Variants in IGSF23 observed in about 807,000 individuals in gnomAD.
The protein encoded by IGSF23 is immunoglobulin superfamily member 23, also known as immunoglobulin superfamily, member 23.
A neutral mutation model predicts 17.8 loss-of-function variants in IGSF23; 14 were observed. That is an observed-to-expected ratio of 0.79 (90% CI 0.52 to 1.23). The LOEUF is 1.23. Ranked by LOEUF, IGSF23 falls within the 50% of genes most tolerant of loss-of-function variation. The probability of loss-of-function intolerance (pLI) is 0.00; values close to 1 mark genes in which losing one functional copy is unlikely to be tolerated. For synonymous variants in IGSF23, 85 were observed against 92.5 expected (o/e 0.92, Z 0.46); for missense variants, 214 against 241.7 (o/e 0.89, Z 0.76).
intron 1 of IGSF23, among the ~76,000 whole-genome samples, chr19:44,623,047 CCTCA>C (rs1972555481): frequency 6.6e-6 from 1 of 152,162 alleles, no homozygotes; most frequent in East Asian, 1.9e-4. Context: ...TTGACCCTCT[CCTCA>C]CTCAATCGTA....
intron 3 of IGSF23, among the ~76,000 whole-genome samples, chr19:44,633,517 T>C (rs550115967): frequency 4.1e-4 from 63 of 152,338 alleles, no homozygotes; most frequent in Non-Finnish European, 5.3e-4. Context: ...CACAAAGTTA[T>C]AGATACAGAA....
intron 3 of IGSF23, among the ~76,000 whole-genome samples, chr19:44,631,981 C>T (rs980447812): frequency 3.3e-5 from 5 of 152,030 alleles, no homozygotes; most frequent in Admixed American, 2.0e-4. Flanking sequence ...CCAGGTTTTG[C>T]GGGGGGGCCT....
At chr19:44,632,896 C>T (rs993385649) in intron 3 of IGSF23, among the ~76,000 whole-genome samples, 3 of 152,312 alleles carry the variant, frequency 2.0e-5, no homozygotes, top group Admixed American at 1.3e-4. Context: ...TGTATGAAAT[C>T]ATAACTGAGC....
chr19:44,633,187 T>C (rs536427618), intron 3 of IGSF23, among the ~76,000 whole-genome samples: 1 of 152,358 alleles, frequency 6.6e-6, no homozygotes, highest in East Asian at 1.9e-4. Context: ...AAACAGTCTT[T>C]TAAATCTATG....
At chr19:44,627,289 G>C (rs1972672041) in intron 2 of IGSF23, 131 bp from the exon 3 acceptor site, 2 of 913,572 alleles carry the variant, frequency 2.2e-6, no homozygotes, top group Non-Finnish European at 3.2e-6. Flanking sequence ...AGGAGAGGGG[G>C]CCAGAGACCT....
Position 44,623,805 on chromosome 19 carries a change from T to G in IGSF23, c.224T>G (p.Met75Arg). ...YSVILQWVVT[M>R]DPEPVLSWTF... ...GTGATCCTGCAGTGGGTGGTGACAA[T>G]GGACCCTGAGCCTGTGCTGAGCTGG... The change falls in exon 2 of 5, where the codon ATG becomes AGG. Residue 75 changes from methionine to arginine, a missense_variant. Met to Arg is a moderately conservative substitution (Grantham distance 91, BLOSUM62 -1). Transcript: ENST00000402988. 6.4e-7 allele frequency: 1 copy of G among 1,550,956 alleles called. No individual in the cohort carries two copies. The highest frequency in any genetic ancestry group is 8.7e-7 in the Non-Finnish European group (1 of 1,147,072).
At chr19:44,621,970 C>T (rs565202055) in intron 1 of IGSF23, among the ~76,000 whole-genome samples, 61 of 152,132 alleles carry the variant, frequency 4.0e-4, no homozygotes, top group African/African-American at 1.3e-3. Context: ...GCTTGTAATC[C>T]CAGCACTTTG....
chr19:44,623,719 G>A lies in IGSF23; in HGVS notation c.138G>A (p.Met46Ile), dbSNP rs1411395159. 2 of 1,551,134 alleles carry A rather than the reference G, an allele frequency of 1.3e-6. No individual in the cohort carries two copies. The highest frequency in any genetic ancestry group is 1.7e-6 in the Non-Finnish European group (2 of 1,147,122). Reference protein sequence around the residue: ...DFPANLVLQLMPLKTFPAAIR... With the variant: ...DFPANLVLQLIPLKTFPAAIR... ...TTTGCACAGACAGCCTCCAACTAATGCCACTGAAGACATTCCCAGCTGCTA... is the reference window on the plus strand; with the variant it reads ...TTTGCACAGACAGCCTCCAACTAATACCACTGAAGACATTCCCAGCTGCTA... Residue 46 changes from methionine to isoleucine, a missense_variant, in exon 2 of 5, where the codon ATG becomes ATA. Coordinates refer to ENST00000402988, the MANE Select transcript of IGSF23 (RefSeq NM_001205280.2).
At chr19:44,616,045 C>A (rs1972367447) in intron 1 of IGSF23, among the ~76,000 whole-genome samples, 2 of 152,206 alleles carry the variant, frequency 1.3e-5, no homozygotes, top group South Asian at 4.1e-4. Flanking sequence ...GAAAACAAAG[C>A]CACAGTGCAA....
intron 2 of IGSF23, 137 bp from the exon 3 acceptor site, chr19:44,627,283 G>A (rs1204596306): frequency 2.4e-6 from 2 of 833,254 alleles, no homozygotes; most frequent in East Asian, 5.5e-5. Flanking sequence ...GCAGGGAGGA[G>A]AGGGGGCCAG....
chr19:44,633,184 CTTTTAAATCTATGACTATTAAAGGCCAGT>C (rs1456995107), intron 3 of IGSF23, among the ~76,000 whole-genome samples: 1 of 152,242 alleles, frequency 6.6e-6, no homozygotes. Context: ...AAGAAACAGT[CTTTTAAATCTATGACTATTAAAGGCCAGT>C]TTTAAGTCCT....
At chr19:44,629,699 T>TCTCGGCTCACTGCAAC (rs1450573991) in intron 3 of IGSF23, among the ~76,000 whole-genome samples, 120 of 138,736 alleles carry the variant, frequency 8.6e-4, no homozygotes, top group Middle Eastern at 3.9e-3. Flanking sequence ...AGTGGTGCAA[T>TCTCGGCTCACTGCAAC]CTCGGCTCAC....
intron 1 of IGSF23, 117 bp downstream of exon 1, chr19:44,613,887 T>A (rs763796208): frequency 6.5e-7 from 1 of 1,548,900 alleles, no homozygotes; most frequent in Non-Finnish European, 8.7e-7. Context: ...CCATGTGTGA[T>A]GAGGAGACCT....
rs1475645694 is a variant in IGSF23 at position 44,627,490 on chromosome 19, T to TGCCATCGGGCTCC, written c.463_475dup (p.Leu159ArgfsTer30). Reference sequence around the variant, plus strand: ...CCACTCTGTCCCTGTCAGGAGGCTCTGCCATCGGGCTCCTTGCGGCTGGGA... The same window carrying TGCCATCGGGCTCC: ...CCACTCTGTCCCTGTCAGGAGGCTCTGCCATCGGGCTCCGCCATCGGGCTCCTTGCGGCTGGGA... On this transcript the variant is annotated frameshift_variant, in exon 3 of 5. Transcript: ENST00000402988. LOFTEE classifies it high-confidence loss of function. The TGCCATCGGGCTCC allele has an allele frequency of 2.6e-6, 4 of 1,550,522 alleles. No homozygotes were observed. In the South Asian group the frequency reaches 4.8e-5, roughly 18 times the overall value.
At chr19:44,615,336 C>T (rs139105933) in intron 1 of IGSF23, among the ~76,000 whole-genome samples, 3 of 151,124 alleles carry the variant, frequency 2.0e-5, no homozygotes, top group Non-Finnish European at 4.4e-5. Context: ...CAGTGGCTCA[C>T]GGGTGCAGTG....
At chr19:44,632,252 T>C in intron 3 of IGSF23, 1 of 205,072 alleles carries the variant, frequency 4.9e-6, no homozygotes, top group Non-Finnish European at 9.9e-6. Flanking sequence ...ATCCAGGCAT[T>C]ATTGCCAGCC....
intron 2 of IGSF23, among the ~76,000 whole-genome samples, chr19:44,625,277 T>C (rs924804924): frequency 3.9e-5 from 6 of 152,188 alleles, no homozygotes; most frequent in Admixed American, 3.3e-4. Context: ...AAAACAATAA[T>C]GTCTAGCACT....
intron 1 of IGSF23, among the ~76,000 whole-genome samples, chr19:44,615,203 G>A (rs1035485968): frequency 2.0e-5 from 3 of 151,834 alleles, no homozygotes; most frequent in Non-Finnish European, 2.9e-5. Flanking sequence ...GCAGGAGAAT[G>A]GCGTGAACCC....
At position 44,629,632 on chromosome 19, in the gene IGSF23, C is replaced by CTTTTTT. The variant is rs11344283; in HGVS notation, c.545+2074_545+2079dup. 6.7e-4 allele frequency among the ~76,000 whole-genome samples: 76 copies of CTTTTTT among 114,092 alleles called. 1 individual carries two copies. The highest frequency in any genetic ancestry group is 1.8e-3 in the East Asian group (7 of 3,846). 74.8% of individuals were successfully genotyped at this position (114,092 alleles called of 152,430 possible). ...GTATTGAGCACCTATTATATGCTTT[C>CTTTTTT]TTTTTTTTTTTTTTTTTTTTGAGAC... is the stretch of plus-strand genomic sequence containing the variant. On this transcript the variant is annotated intron_variant, in intron 3 of 4. Coordinates refer to ENST00000402988, the MANE Select transcript of IGSF23 (RefSeq NM_001205280.2).
Sources: gnomAD v4.1 joint callset for allele counts (sites outside exome capture counted in the v4.1 genomes callset) on GRCh38, gnomAD v4.1.1 for gene constraint, MANE v1.5 for transcripts, NCBI Gene and HGNC (gene_info 2026-07-23, HGNC 2026-07-21) for gene names.